COL5A2: variants seen among roughly 807,000 people sequenced by gnomAD.
COL5A2 encodes the protein collagen type V alpha 2 chain.
A neutral mutation model predicts 208.2 loss-of-function variants in COL5A2; 23 were observed. That is an observed-to-expected ratio of 0.11 (90% CI 0.08 to 0.16). COL5A2 has a LOEUF of 0.16. Among genes scored for constraint, COL5A2 ranks in the 10% least tolerant of loss-of-function variants. The pLI, the probability that COL5A2 is intolerant of heterozygous loss-of-function variation, is 1.00. For missense variants in COL5A2, 1,590 were observed against 1,956.4 expected (o/e 0.81, Z 3.53); for synonymous variants, 625 against 628.5 (o/e 0.99, Z 0.08).
intron 1 of COL5A2, among the ~76,000 whole-genome samples, chr2:189,114,121 T>C (rs527889833): frequency 3.9e-5 from 6 of 152,314 alleles, no homozygotes; most frequent in Non-Finnish European, 7.4e-5. Context: ...AAATTTAAGA[T>C]GATGTGGAAA....
At position 189,067,734 on chromosome 2, in the gene COL5A2, A is replaced by C. The variant is rs147392450; in HGVS notation, c.1401+281T>G. ...AATATTTTCATAATATTTATTATTC[A>C]ATTATTCATAAAATTCTATGAGGTG... On this transcript the variant is annotated intron_variant, in intron 21 of 53. Coordinates refer to ENST00000374866, the MANE Select transcript of COL5A2 (RefSeq NM_000393.5). Among the ~76,000 whole-genome samples, 1,075 of 152,252 alleles carry C rather than the reference A, an allele frequency of 7.1e-3. 12 individuals are homozygous for C. The highest frequency in any genetic ancestry group is 0.024 in the African/African-American group (992 of 41,534).
the COL5A2 span, among the ~76,000 whole-genome samples, chr2:189,232,731 C>T: frequency 9.2e-5 from 14 of 151,572 alleles, no homozygotes; most frequent in African/African-American, 3.1e-4. Flanking sequence ...GGATTAGTCC[C>T]CCTACAAAAG....
chr2:189,382,553 A>G, the COL5A2 span, among the ~76,000 whole-genome samples: 1 of 152,128 alleles, frequency 6.6e-6, no homozygotes, highest in South Asian at 2.1e-4. Context: ...CATATAGAAA[A>G]AAGTTTCTGG....
chr2:189,306,449 C>A, the COL5A2 span, among the ~76,000 whole-genome samples: 2 of 152,196 alleles, frequency 1.3e-5, no homozygotes, highest in Non-Finnish European at 2.9e-5. Flanking sequence ...GAATCTGATT[C>A]CACATAACAG....
At chr2:189,074,263 C>T (rs1027823598) in intron 17 of COL5A2, among the ~76,000 whole-genome samples, 7 of 151,854 alleles carry the variant, frequency 4.6e-5, no homozygotes, top group African/African-American at 1.7e-4. Flanking sequence ...GCTCAAAAAC[C>T]CTTTAAATGG....
the COL5A2 span, among the ~76,000 whole-genome samples, chr2:189,320,897 T>C: frequency 2.0e-5 from 3 of 151,928 alleles, no homozygotes; most frequent in Non-Finnish European, 4.4e-5. Flanking sequence ...AAGGAAAAAA[T>C]GTTAAGGGCA....
chr2:189,137,309 C>T (rs1456523075), intron 1 of COL5A2, among the ~76,000 whole-genome samples: 1 of 152,152 alleles, frequency 6.6e-6, no homozygotes, highest in Non-Finnish European at 1.5e-5. Flanking sequence ...GTTTTGAAAT[C>T]TAATAATAAC....
In COL5A2 at chr2:189,042,753, T is replaced by G; in HGVS notation, c.3492A>C (p.Gly1164=). Residue 1164 remains glycine (G), a synonymous_variant, in exon 49 of 54, where the codon GGA becomes GGC. Transcript: ENST00000374866. ...PGPPGPNGEQ[G]SAGIPGPFGP... ...CAAATGGTCCAGGGATTCCAGCACT[T>G]CCTTGTTCACCATTTGGACCCTAAG... The G allele has an allele frequency of 6.2e-7, 1 of 1,607,472 alleles. No individual in the cohort carries two copies. The highest frequency in any genetic ancestry group is 1.1e-5 in the South Asian group (1 of 90,122).
chr2:189,192,396 T>G (rs1688942503), intron 1 of COL5A2, among the ~76,000 whole-genome samples: 1 of 152,210 alleles, frequency 6.6e-6, no homozygotes, highest in Non-Finnish European at 1.5e-5. Flanking sequence ...AACATGAGCT[T>G]TGGTCCTAAA....
At chr2:189,211,274 C>T (rs1263745188) in intron 1 of COL5A2, among the ~76,000 whole-genome samples, 1 of 152,100 alleles carries the variant, frequency 6.6e-6, no homozygotes, top group African/African-American at 2.4e-5. Flanking sequence ...GTTCTTTATC[C>T]TATAATGACG....
the COL5A2 span, among the ~76,000 whole-genome samples, chr2:189,375,249 C>A: frequency 6.6e-6 from 1 of 152,076 alleles, no homozygotes. Flanking sequence ...GAGCTCCTGA[C>A]CTCGTGATCC....
intron 1 of COL5A2, among the ~76,000 whole-genome samples, chr2:189,187,949 A>G (rs1576580243): frequency 6.9e-6 from 1 of 144,432 alleles, no homozygotes; most frequent in Non-Finnish European, 1.5e-5. Flanking sequence ...AGCCTGGGCA[A>G]CGGAGCGAGA....
At chr2:189,405,514 G>A in the COL5A2 span, among the ~76,000 whole-genome samples, 9 of 152,190 alleles carry the variant, frequency 5.9e-5, no homozygotes, top group African/African-American at 2.2e-4. Flanking sequence ...ATAGGTGTGA[G>A]CCACCGTGCC....
At chr2:189,270,428 T>A in the COL5A2 span, among the ~76,000 whole-genome samples, 1 of 152,162 alleles carries the variant, frequency 6.6e-6, no homozygotes, top group African/African-American at 2.4e-5. Flanking sequence ...ACGTTGTGTC[T>A]TTGTTCTCAC....
At chr2:189,074,668 T>C (rs190465884) in intron 17 of COL5A2, among the ~76,000 whole-genome samples, 4 of 152,338 alleles carry the variant, frequency 2.6e-5, no homozygotes, top group Admixed American at 2.6e-4. Flanking sequence ...TTCCTCTTTC[T>C]TTATTTCCAA....
At chr2:189,065,972 ATG>A (rs887575184) in intron 23 of COL5A2, among the ~76,000 whole-genome samples, 1 of 152,152 alleles carries the variant, frequency 6.6e-6, no homozygotes, top group African/African-American at 2.4e-5. Context: ...ACTGACATAT[ATG>A]TGTAGTTACT....
the COL5A2 span, among the ~76,000 whole-genome samples, chr2:189,293,453 A>G: frequency 6.6e-6 from 1 of 152,146 alleles, no homozygotes; most frequent in African/African-American, 2.4e-5. Flanking sequence ...TTCCAGTAGG[A>G]TAGAACAAGT....
rs755954361 is a variant in COL5A2 at position 189,078,440 on chromosome 2, C to T, written c.1059+76G>A. 198 of 1,179,682 alleles carry T rather than the reference C, an allele frequency of 1.7e-4. 1 individual carries two copies. Among genetic ancestry groups the T allele is most frequent in the Admixed American group, 2.5e-4 (15 of 59,182 alleles). The allele number at this position is 1,179,682 out of a possible 1,614,324, so 73.1% of individuals were successfully genotyped here. On this transcript the variant is annotated intron_variant, in intron 16 of 53. Transcript: ENST00000374866. Reference sequence around the variant, plus strand: ...AGTACTATTACTTTCATTTAAAAGGCAAGTTCAGTAAACCAAATCTGAAAA... The same window carrying T: ...AGTACTATTACTTTCATTTAAAAGGTAAGTTCAGTAAACCAAATCTGAAAA...
intron 1 of COL5A2, among the ~76,000 whole-genome samples, chr2:189,214,134 C>G (rs1039576512): frequency 2.0e-5 from 3 of 151,956 alleles, no homozygotes; most frequent in African/African-American, 4.8e-5. Flanking sequence ...TTAAACATAT[C>G]AAAAAACCTT....
Sources: gnomAD v4.1 joint callset for allele counts (sites outside exome capture counted in the v4.1 genomes callset) on GRCh38, gnomAD v4.1.1 for gene constraint, MANE v1.5 for transcripts, NCBI Gene and HGNC (gene_info 2026-07-23, HGNC 2026-07-21) for gene names.